The following PRAG1 variants were observed in gnomAD, a reference collection of about 807,000 sequenced individuals.
PRAG1 encodes the protein PEAK1 related, kinase-activating pseudokinase 1.
PRAG1 carries 110 observed loss-of-function variants against 95.6 expected under a neutral mutation model. That is an observed-to-expected ratio of 1.15 (90% CI 0.99 to 1.35). The LOEUF (loss-of-function observed/expected upper bound fraction) is 1.35. Among genes scored for constraint, PRAG1 ranks in the 40% most tolerant of loss-of-function variants. PRAG1 has a pLI of 0.00. For missense variants in PRAG1, 2,554 were observed against 1,864.7 expected (o/e 1.37, Z -6.81); for synonymous variants, 1,052 against 819.4 (o/e 1.28, Z -4.85).
chr8:8,380,174 C>T (rs1800584827), intron 2 of PRAG1, among the ~76,000 whole-genome samples: 2 of 152,056 alleles, frequency 1.3e-5, no homozygotes, highest in Non-Finnish European at 2.9e-5. Context: ...TCCTAGGAGG[C>T]TGAGACAGGA....
At chr8:8,375,776 C>T (rs973958994) in intron 3 of PRAG1, among the ~76,000 whole-genome samples, 3 of 151,932 alleles carry the variant, frequency 2.0e-5, no homozygotes, top group East Asian at 1.9e-4. Flanking sequence ...CCTCCTGCTT[C>T]GGCCTCCCAA....
chr8:8,338,381 C>T (rs1799057922), intron 4 of PRAG1, among the ~76,000 whole-genome samples: 1 of 152,208 alleles, frequency 6.6e-6, no homozygotes, highest in Admixed American at 6.5e-5. Flanking sequence ...GAACTGGTTA[C>T]AATCTCCAAG....
At chr8:8,333,910 G>A (rs1436424439) in intron 4 of PRAG1, among the ~76,000 whole-genome samples, 2 of 152,232 alleles carry the variant, frequency 1.3e-5, no homozygotes, top group Admixed American at 6.5e-5. Flanking sequence ...CATGTGAGAG[G>A]TGAGAAAACT....
intron 5 of PRAG1, among the ~76,000 whole-genome samples, chr8:8,320,316 A>G (rs570651626): frequency 6.6e-6 from 1 of 152,312 alleles, no homozygotes; most frequent in Non-Finnish European, 1.5e-5. Flanking sequence ...TCTGAGATGA[A>G]GGTAGGAAAA....
At chr8:8,354,906 T>A (rs1299847170) in intron 3 of PRAG1, among the ~76,000 whole-genome samples, 4 of 152,170 alleles carry the variant, frequency 2.6e-5, no homozygotes, top group African/African-American at 9.6e-5. Context: ...TTCATCATTG[T>A]ACTGGAGGTA....
At chr8:8,320,141 A>T (rs2117095550) in intron 5 of PRAG1, among the ~76,000 whole-genome samples, 1 of 152,346 alleles carries the variant, frequency 6.6e-6, no homozygotes, top group East Asian at 1.9e-4. Flanking sequence ...CCCTCTGTGC[A>T]CAGTATGGAC....
intron 4 of PRAG1, among the ~76,000 whole-genome samples, chr8:8,335,116 T>A (rs567421344): frequency 6.6e-6 from 1 of 152,090 alleles, no homozygotes; most frequent in Non-Finnish European, 1.5e-5. Flanking sequence ...TAAATAGACA[T>A]TTTTAGAGGA....
Position 8,385,925 on chromosome 8 carries a change from G to C in PRAG1, c.-88+396C>G, listed in dbSNP as rs2945842. The stretch of plus-strand genomic sequence containing the variant: ...GGTCCCAGCAGCCAGGCGGCCTTCC[G>C]TCTCTCCCCCTTGACAATACTCTAG... On this transcript the variant is annotated intron_variant, in intron 1 of 5. Transcript: ENST00000615670. Among the ~76,000 whole-genome samples the C allele has an allele frequency of 3.3e-5, 5 of 151,884 alleles. No individual in the cohort carries two copies. In the East Asian group the frequency reaches 9.7e-4, roughly 30 times the overall value.
intron 3 of PRAG1, among the ~76,000 whole-genome samples, chr8:8,344,310 G>C (rs1199806986): frequency 6.6e-6 from 1 of 152,110 alleles, no homozygotes; most frequent in Non-Finnish European, 1.5e-5. Flanking sequence ...AAATGAACTG[G>C]ATTTTAGGGT....
At chr8:8,364,741 A>G (rs773794241) in intron 3 of PRAG1, among the ~76,000 whole-genome samples, 2 of 151,668 alleles carry the variant, frequency 1.3e-5, no homozygotes, top group Non-Finnish European at 2.9e-5. Flanking sequence ...TACTTTTCCT[A>G]CCAATGTATG....
At chr8:8,344,766 T>C (rs1198263749) in intron 3 of PRAG1, among the ~76,000 whole-genome samples, 1 of 152,142 alleles carries the variant, frequency 6.6e-6, no homozygotes, top group Non-Finnish European at 1.5e-5. Flanking sequence ...TGATCTGTTG[T>C]TGCGCCTCTG....
chr8:8,380,957 T>C lies in PRAG1; in HGVS notation c.330+461A>G, dbSNP rs73523484. Among the ~76,000 whole-genome samples the C allele has an allele frequency of 4.7e-3, 707 of 151,910 alleles. 5 individuals carry two copies. Among genetic ancestry groups the C allele is most frequent in the African/African-American group, 0.016 (660 of 41,400 alleles). On this transcript the variant is annotated intron_variant, in intron 2 of 5. Coordinates refer to ENST00000615670, the MANE Select transcript of PRAG1 (RefSeq NM_001080826.3). ...AAAGGTATTTATTGAAATGATGTGA[T>C]ATCTGGGTTTGCTTTAAAATCATAG...
At chr8:8,375,605 T>G (rs1218377470) in intron 3 of PRAG1, among the ~76,000 whole-genome samples, 25 of 152,186 alleles carry the variant, frequency 1.6e-4, no homozygotes, top group Non-Finnish European at 3.2e-4. Flanking sequence ...TGGTAACAGT[T>G]TATTGAGCAC....
chr8:8,385,804 G>C (rs1284871831), intron 1 of PRAG1, among the ~76,000 whole-genome samples: 2 of 151,994 alleles, frequency 1.3e-5, no homozygotes, highest in Non-Finnish European at 2.9e-5. Context: ...CGTTTCAGAG[G>C]GCTCAGCCAG....
At chr8:8,382,859 C>T (rs187211038) in intron 1 of PRAG1, among the ~76,000 whole-genome samples, 46 of 152,268 alleles carry the variant, frequency 3.0e-4, no homozygotes, top group African/African-American at 8.2e-4. Context: ...CCCATAGACA[C>T]GGGAGAGTTT....
intron 3 of PRAG1, among the ~76,000 whole-genome samples, chr8:8,346,980 G>A (rs1045390237): frequency 3.3e-5 from 5 of 152,180 alleles, no homozygotes; most frequent in African/African-American, 1.2e-4. Flanking sequence ...AGTAAGTTTA[G>A]TAATGATCTG....
Position 8,377,442 on chromosome 8 carries a change from G to A in PRAG1, c.967C>T (p.Leu323=), listed in dbSNP as rs761905449. 1 of 1,555,692 alleles carries A rather than the reference G, an allele frequency of 6.4e-7. No homozygotes were observed. Among genetic ancestry groups the A allele is most frequent in the African/African-American group, 1.4e-5 (1 of 73,384 alleles). The part of the protein sequence containing the change: ...SQGPTAHPSC[L]GPKKLSLTSE... ...GTGAGGGACAGTTTCTTGGGGCCCAGGCAGGATGGGTGGGCAGTGGGGCCC... is the reference window on the plus strand; with the variant it reads ...GTGAGGGACAGTTTCTTGGGGCCCAAGCAGGATGGGTGGGCAGTGGGGCCC... The change falls in exon 3 of 6, where the codon CTG becomes TTG. Residue 323 remains leucine, a synonymous_variant. Transcript: ENST00000615670.
intron 2 of PRAG1, among the ~76,000 whole-genome samples, chr8:8,380,668 A>G (rs1458594473): frequency 6.6e-6 from 1 of 151,992 alleles, no homozygotes; most frequent in Non-Finnish European, 1.5e-5. Context: ...ATCCTGGCCA[A>G]CGTGGTGAAA....
At chr8:8,369,035 A>G (rs1039839278) in intron 3 of PRAG1, among the ~76,000 whole-genome samples, 3 of 152,030 alleles carry the variant, frequency 2.0e-5, no homozygotes, top group African/African-American at 7.3e-5. Context: ...GTGTTTGCCC[A>G]CCTTGAATCA....
Sources: gnomAD v4.1 joint callset for allele counts (sites outside exome capture counted in the v4.1 genomes callset) on GRCh38, gnomAD v4.1.1 for gene constraint, MANE v1.5 for transcripts, NCBI Gene and HGNC (gene_info 2026-07-23, HGNC 2026-07-21) for gene names.